HTT: variants seen among roughly 807,000 people sequenced by gnomAD.
HTT encodes the protein huntington disease protein.
A neutral mutation model predicts 362.3 loss-of-function variants in HTT; 104 were observed. The ratio of observed to expected loss-of-function variants is 0.29; its 90% CI spans 0.24 to 0.34. HTT has a LOEUF of 0.34. HTT is among the 10% of genes least tolerant of loss of function. HTT has a pLI of 1.00. For missense variants in HTT, 3,301 were observed against 3,928.6 expected, an observed-to-expected ratio of 0.84 and a Z score of 4.27; for synonymous variants, 1,577 against 1,548.7, an observed-to-expected ratio of 1.02 and a Z score of -0.43.
intron 19 of HTT, among the ~76,000 whole-genome samples, chr4:3,135,642 G>C (rs1716029112): frequency 6.6e-6 from 1 of 151,922 alleles, no homozygotes; most frequent in Non-Finnish European, 1.5e-5. Context: ...AATTTTATAG[G>C]GCACTTACAG....
intron 26 of HTT, among the ~76,000 whole-genome samples, chr4:3,151,577 C>A (rs1054213126): frequency 6.6e-6 from 1 of 152,106 alleles, no homozygotes; most frequent in Admixed American, 6.6e-5. Context: ...GGACACAGAG[C>A]CAAACCATAT....
At chr4:3,223,264 T>G in intron 54 of HTT, 142 bp from the exon 55 acceptor site, 6 of 739,960 alleles carry the variant, frequency 8.1e-6, no homozygotes, top group Non-Finnish European at 1.2e-5. Context: ...TTGTGCCCCG[T>G]GAGCTCAGCC....
In HTT at chr4:3,132,678, T is replaced by G. The variant is rs756325495; in HGVS notation, c.2353T>G (p.Phe785Val). The G allele has an allele frequency of 6.2e-7, 1 of 1,614,180 alleles. No individual in the cohort carries two copies. The highest frequency in any genetic ancestry group is 8.5e-7 in the Non-Finnish European group (1 of 1,180,010). Residue 785 changes from phenylalanine (F) to valine (V), a missense_variant, in exon 17 of 67, where the codon TTC (phenylalanine) becomes GTC (valine). Phe to Val is a conservative substitution (Grantham distance 50, BLOSUM62 -1). Transcript: ENST00000355072. The part of the protein sequence containing the change: ...LICSILSRSR[F>V]HVGDWMGTIR... ...CTGCTCCATCCTCAGCAGGTCCCGC[T>G]TCCACGTGGGAGATTGGATGGGCAC...
At chr4:3,159,201 T>C (rs1294916537) in intron 28 of HTT, among the ~76,000 whole-genome samples, 12 of 152,240 alleles carry the variant, frequency 7.9e-5, no homozygotes, top group Non-Finnish European at 1.8e-4. Flanking sequence ...CCTGGTTTCT[T>C]GCTTTGGTTT....
rs972401170 is a variant in HTT, at chr4:3,121,175, T to C, written c.1069-53T>C. On this transcript the variant is annotated intron_variant, in intron 8 of 66. Coordinates refer to ENST00000355072, the MANE Select transcript of HTT (RefSeq NM_001388492.1). ...TTAAAAACAACAAAAAAGTGAAGCT[T>C]AGGATGCATTTTATAAACTCTGACC... is the stretch of plus-strand genomic sequence containing the variant. 19 of 1,354,456 alleles carry C rather than the reference T, an allele frequency of 1.4e-5. No individual in the cohort carries two copies. The Admixed American group carries it at 3.1e-4, about 22-fold the overall frequency. The allele number at this position is 1,354,456 out of a possible 1,614,324, so 83.9% of individuals were successfully genotyped here.
intron 21 of HTT, among the ~76,000 whole-genome samples, chr4:3,136,764 CAG>C (rs1165092371): frequency 1.3e-5 from 2 of 152,078 alleles, no homozygotes; most frequent in Non-Finnish European, 2.9e-5. Context: ...TGTTATGAAA[CAG>C]TAATTTTAGT....
intron 23 of HTT, 124 bp from the exon 24 acceptor site, chr4:3,145,028 G>T: frequency 2.6e-6 from 2 of 760,268 alleles, no homozygotes; most frequent in Non-Finnish European, 4.7e-6. Flanking sequence ...ATATCCTGTG[G>T]TTATCATACA....
chr4:3,209,874 T>C lies in HTT; in HGVS notation c.6339T>C (p.Asp2113=). 1 of 1,614,142 alleles carries C rather than the reference T, an allele frequency of 6.2e-7. No individual in the cohort carries two copies. Among genetic ancestry groups the C allele is most frequent in the Non-Finnish European group, 8.5e-7 (1 of 1,179,964 alleles). Residue 2113 remains aspartate, a synonymous_variant, in exon 47 of 67, where the codon GAT becomes GAC. Transcript: ENST00000355072. ...AATCCCAGTGTTGGACCAGGTCAGA[T>C]TCTGCACTGCTGGAAGGTGCAGAGC... ...LVKSQCWTRS[D]SALLEGAELV...
chr4:3,207,221 C>A, intron 44 of HTT, 60 bp from the exon 45 acceptor site: 1 of 1,421,958 alleles, frequency 7.0e-7, no homozygotes, highest in Non-Finnish European at 9.9e-7. Context: ...TTTAAATGAG[C>A]ATGAGGTTAT....
chr4:3,162,680 A>G (rs1275690857), intron 29 of HTT, among the ~76,000 whole-genome samples: 2 of 152,036 alleles, frequency 1.3e-5, no homozygotes, highest in African/African-American at 2.4e-5. Context: ...TCATTCCCTT[A>G]GTAGCATTTG....
intron 41 of HTT, among the ~76,000 whole-genome samples, chr4:3,201,773 T>G: frequency 6.6e-6 from 1 of 152,164 alleles, no homozygotes; most frequent in Non-Finnish European, 1.5e-5. Context: ...ACTGTGTTTT[T>G]CCAGCTGTGG....
chr4:3,086,896 G>C (rs1713238802), intron 1 of HTT, 43 bp from the exon 2 acceptor site: 3 of 1,056,854 alleles, frequency 2.8e-6, no homozygotes, highest in Non-Finnish European at 4.4e-6. Flanking sequence ...AGTGGAGTGG[G>C]TAATTCAACA....
chr4:3,239,840 C>T lies in HTT; in HGVS notation c.9216-6C>T, dbSNP rs1405808246. 1.3e-6 allele frequency: 2 copies of T among 1,552,808 alleles called. No individual in the cohort carries two copies. The highest frequency in any genetic ancestry group is 2.4e-5 in the South Asian group (2 of 84,146). On this transcript the variant is annotated splice_polypyrimidine_tract_variant and splice_region_variant and intron_variant, in intron 66 of 66. Transcript: ENST00000355072. ...TGCCGGCCTTTTTCCTTAACTCCTG[C>T]ACCAGCCTCCCACATGTCATCAGCA...
chr4:3,194,495 T>C (rs1719157528), intron 40 of HTT, among the ~76,000 whole-genome samples: 1 of 152,210 alleles, frequency 6.6e-6, no homozygotes, highest in East Asian at 1.9e-4. Flanking sequence ...TCCATGTGGC[T>C]GAATTAGAGC....
At chr4:3,132,948 A>G in intron 18 of HTT, 37 bp downstream of exon 18, 2 of 1,410,154 alleles carry the variant, frequency 1.4e-6, no homozygotes, top group Non-Finnish European at 2.0e-6. Flanking sequence ...TTCTTCACTT[A>G]GTGGACATTT....
At chr4:3,085,730 T>C (rs978476951) in intron 1 of HTT, among the ~76,000 whole-genome samples, 1 of 152,234 alleles carries the variant, frequency 6.6e-6, no homozygotes, top group Non-Finnish European at 1.5e-5. Flanking sequence ...TTTTATTTCT[T>C]TGGTAATACA....
chr4:3,102,611 C>A (rs895979055), intron 3 of HTT, among the ~76,000 whole-genome samples: 2 of 152,198 alleles, frequency 1.3e-5, no homozygotes, highest in African/African-American at 2.4e-5. Flanking sequence ...AATAGGTTAA[C>A]CCACAAGTTT....
intron 41 of HTT, among the ~76,000 whole-genome samples, chr4:3,200,445 A>T (rs923844361): frequency 6.6e-6 from 1 of 152,240 alleles, no homozygotes; most frequent in African/African-American, 2.4e-5. Context: ...AAAGGTTTTC[A>T]GGCTTAAGCT....
chr4:3,074,759 G>C lies in HTT; in HGVS notation c.-67G>C, dbSNP rs1712374473. Reference sequence around the variant, plus strand: ...GGCCCAGAGCCCCATTCATTGCCCCGGTGCTGAGCGGCGCCGCGAGTCGGC... The same window carrying C: ...GGCCCAGAGCCCCATTCATTGCCCCCGTGCTGAGCGGCGCCGCGAGTCGGC... On this transcript the variant is annotated 5_prime_UTR_variant, in exon 1 of 67. Transcript: ENST00000355072. 2 of 1,474,662 alleles carry C rather than the reference G, an allele frequency of 1.4e-6. No individual in the cohort carries two copies. The allele number at this position is 1,474,662 out of a possible 1,614,324, so 91.3% of individuals were successfully genotyped here.
Sources: gnomAD v4.1 joint callset for allele counts (sites outside exome capture counted in the v4.1 genomes callset) on GRCh38, gnomAD v4.1.1 for gene constraint, MANE v1.5 for transcripts, NCBI Gene and HGNC (gene_info 2026-07-23, HGNC 2026-07-21) for gene names.